STK35: variants seen among roughly 807,000 people sequenced by gnomAD.
The protein encoded by STK35 is serine/threonine kinase 35.
Under a neutral mutation model 37.3 loss-of-function variants are expected in STK35, and 17 were observed. The ratio of observed to expected loss-of-function variants is 0.46; its 90% confidence interval spans 0.31 to 0.68. The LOEUF (loss-of-function observed/expected upper bound fraction) is 0.68. STK35 is among the 30% of genes least tolerant of loss of function. STK35 has a pLI of 0.05. For missense variants in STK35, 595 were observed against 746.7 expected, an observed-to-expected ratio of 0.80 and a Z score of 2.37; for synonymous variants, 385 against 319.1, an observed-to-expected ratio of 1.21 and a Z score of -2.20.
intron 2 of STK35, among the ~76,000 whole-genome samples, chr20:2,111,141 A>G (rs1985609663): frequency 6.6e-6 from 1 of 152,146 alleles, no homozygotes; most frequent in South Asian, 2.1e-4. Flanking sequence ...CTCCCTTGCC[A>G]GCCCTCACTT....
At position 2,144,323 on chromosome 20, in the gene STK35, G is replaced by A. The variant is rs1986222031; in HGVS notation, c.*577G>A. On this transcript the variant is annotated 3_prime_UTR_variant, in exon 4 of 4. Coordinates refer to ENST00000381482, the MANE Select transcript of STK35 (RefSeq NM_080836.4). ...GATGCAGGAACTCCTGGACTCCTTG[G>A]TGGGCTGGCCCTGGCTAGCCCTTGG... 1.1e-5 allele frequency: 2 copies of A among 181,204 alleles called. No individual in the cohort carries two copies. The highest frequency in any genetic ancestry group is 2.3e-5 in the Non-Finnish European group (2 of 86,534). The allele number at this position is 181,204 out of a possible 1,614,324, so 11.2% of individuals were successfully genotyped here. A position where few individuals can be genotyped will look rare whatever the true frequency, so the allele number is the denominator to read the frequency against.
chr20:2,134,882 C>A (rs1460715372), intron 3 of STK35, among the ~76,000 whole-genome samples: 1 of 151,908 alleles, frequency 6.6e-6, no homozygotes, highest in Non-Finnish European at 1.5e-5. Context: ...CAGAGTGAGA[C>A]TCTGTGTCAA....
chr20:2,111,970 C>T (rs557566131), intron 2 of STK35, among the ~76,000 whole-genome samples: 24 of 152,304 alleles, frequency 1.6e-4, no homozygotes, highest in African/African-American at 5.8e-4. Flanking sequence ...CTGGCAGATC[C>T]GGGCCCGCTT....
chr20:2,133,380 A>C (rs567711680), intron 3 of STK35, among the ~76,000 whole-genome samples: 3 of 152,350 alleles, frequency 2.0e-5, no homozygotes, highest in African/African-American at 7.2e-5. Context: ...CAATTGAGGC[A>C]GTTGGCAGCT....
At chr20:2,127,634 T>C (rs1345526353) in intron 3 of STK35, among the ~76,000 whole-genome samples, 2 of 152,180 alleles carry the variant, frequency 1.3e-5, no homozygotes, top group African/African-American at 4.8e-5. Flanking sequence ...ACCACTGACA[T>C]GGTCCAGAGG....
At chr20:2,136,952 G>A (rs117139263) in intron 3 of STK35, among the ~76,000 whole-genome samples, 1 of 152,218 alleles carries the variant, frequency 6.6e-6, no homozygotes, top group Non-Finnish European at 1.5e-5. Context: ...GGGTGAATGC[G>A]ATCTGAGTGA....
intron 3 of STK35, among the ~76,000 whole-genome samples, chr20:2,132,946 CAGT>C (rs1986025022): frequency 6.6e-6 from 1 of 152,208 alleles, no homozygotes; most frequent in Non-Finnish European, 1.5e-5. Context: ...ACAGTTGAGT[CAGT>C]GGTGGCTCTG....
At chr20:2,132,658 C>A (rs1986020312) in intron 3 of STK35, among the ~76,000 whole-genome samples, 1 of 152,256 alleles carries the variant, frequency 6.6e-6, no homozygotes, top group African/African-American at 2.4e-5. Context: ...TGTGAGACTG[C>A]ACAGGCACCT....
At position 2,144,238 on chromosome 20, in the gene STK35, G is replaced by C; in HGVS notation, c.*492G>C. The C allele has an allele frequency of 4.0e-6, 1 of 252,148 alleles. No individual in the cohort carries two copies. Among genetic ancestry groups the C allele is most frequent in the Non-Finnish European group, 7.7e-6 (1 of 130,238 alleles). 15.6% of individuals were successfully genotyped at this position (252,148 alleles called of 1,614,324 possible). ...CTGCCTCCCCATAGGGAATCTGGGG[G>C]TTTCTTCTGGAACGGGGCGTGAGGA... is the stretch of plus-strand genomic sequence containing the variant. On this transcript the variant is annotated 3_prime_UTR_variant, in exon 4 of 4. Coordinates refer to ENST00000381482, the MANE Select transcript of STK35 (RefSeq NM_080836.4).
intron 3 of STK35, among the ~76,000 whole-genome samples, chr20:2,137,373 G>A (rs1028294538): frequency 7.2e-5 from 11 of 152,170 alleles, no homozygotes; most frequent in South Asian, 2.1e-4. Context: ...TCCAAGCCAC[G>A]CTCCTCTGCA....
chr20:2,103,808 C>T (rs1193352728), intron 2 of STK35, among the ~76,000 whole-genome samples: 1 of 152,174 alleles, frequency 6.6e-6, no homozygotes, highest in African/African-American at 2.4e-5. Context: ...CACACCCTCT[C>T]CCTGTCTGGT....
Position 2,102,831 on chromosome 20 carries a change from G to A in STK35, c.358G>A (p.Ala120Thr), listed in dbSNP as rs746426061. 4 of 1,530,934 alleles carry A rather than the reference G, an allele frequency of 2.6e-6. No individual in the cohort carries two copies. The highest frequency in any genetic ancestry group is 1.2e-5 in the South Asian group (1 of 83,368). 94.8% of individuals were successfully genotyped at this position (1,530,934 alleles called of 1,614,324 possible). A position where few individuals can be genotyped will look rare whatever the true frequency, so the allele number is the denominator to read the frequency against. ...RAGRRDEAGG[A>T]RAAPLLLPPP... is the part of the protein sequence containing the mutation. ...CGGACGGAGGGATGAGGCAGGGGGG[G>A]CCCGGGCAGCGCCGTTGCTGCTCCC... The change falls in exon 2 of 4, where the codon GCC (alanine) becomes ACC (threonine). Residue 120 changes from alanine (A) to threonine (T), a missense_variant. This residue lies in a region of STK35 where 389 missense variants were observed against 320.0 expected (regional missense o/e 1.22). Transcript: ENST00000381482.
Position 2,102,771 on chromosome 20 carries a change from A to C in STK35, c.298A>C (p.Thr100Pro), listed in dbSNP as rs970201950. The stretch of plus-strand genomic sequence containing the variant: ...TAACCGATTCTTTCGCCCGCAGGTC[A>C]CAATCCAAGGTCCGGCTCCTCCGCG... ...ARKWRCAGQV[T>P]IQGPAPPRPR... The change falls in exon 2 of 4, where the codon ACA (threonine) becomes CCA (proline). Residue 100 changes from threonine (T) to proline (P), a missense_variant. By Grantham distance (38) the Thr-to-Pro change is conservative. Coordinates refer to ENST00000381482, the MANE Select transcript of STK35 (RefSeq NM_080836.4). 10 of 1,446,476 alleles carry C rather than the reference A, an allele frequency of 6.9e-6. No homozygotes were observed. The highest frequency in any genetic ancestry group is 9.1e-6 in the Non-Finnish European group (10 of 1,097,168). The allele number at this position is 1,446,476 out of a possible 1,614,324, so 89.6% of individuals were successfully genotyped here.
In STK35 at chr20:2,117,239, A is replaced by T. The variant is rs143233949; in HGVS notation, c.1466A>T (p.His489Leu). The T allele has an allele frequency of 6.2e-7, 1 of 1,614,082 alleles. No homozygotes were observed. Among genetic ancestry groups the T allele is most frequent in the Non-Finnish European group, 8.5e-7 (1 of 1,180,036 alleles). Reference sequence around the variant, plus strand: ...CTAGAAAACCCAAAGATGGAGTTGCACATCCCCCAAAAACGCAGGACTTCC... The same window carrying T: ...CTAGAAAACCCAAAGATGGAGTTGCTCATCCCCCAAAAACGCAGGACTTCC... ...ALLENPKMEL[H>L]IPQKRRTSMS... Residue 489 changes from histidine to leucine, a missense_variant, in exon 3 of 4, where the codon CAC becomes CTC. This residue lies in a region of STK35 where 109 missense variants were observed against 280.3 expected (regional missense o/e 0.39). Transcript: ENST00000381482. This position sits in a 1 kb window ranked among gnomAD's most constrained non-coding sequence, Gnocchi z 4.4.
chr20:2,102,452 GC>G (rs1158127343), intron 1 of STK35, among the ~76,000 whole-genome samples: 1 of 152,216 alleles, frequency 6.6e-6, no homozygotes, highest in East Asian at 1.9e-4. Context: ...AAATATTTCC[GC>G]CGGCCAAATC....
chr20:2,106,133 C>T (rs148219451), intron 2 of STK35, among the ~76,000 whole-genome samples: 1 of 152,216 alleles, frequency 6.6e-6, no homozygotes, highest in African/African-American at 2.4e-5. Flanking sequence ...AGAACAGATA[C>T]CAAAATTACT....
chr20:2,126,264 A>G (rs1031956776), intron 3 of STK35, among the ~76,000 whole-genome samples: 3 of 152,300 alleles, frequency 2.0e-5, no homozygotes, highest in South Asian at 2.1e-4. Flanking sequence ...TTTAGACCCC[A>G]ATATGGTCTC....
chr20:2,137,006 G>A (rs1008729957), intron 3 of STK35, among the ~76,000 whole-genome samples: 1 of 152,232 alleles, frequency 6.6e-6, no homozygotes, highest in Non-Finnish European at 1.5e-5. Context: ...AGCAGGAGCT[G>A]AAGACCCAAA....
chr20:2,103,831 G>A (rs1004766290), intron 2 of STK35, among the ~76,000 whole-genome samples: 5 of 152,032 alleles, frequency 3.3e-5, no homozygotes, highest in African/African-American at 1.2e-4. Context: ...CAAGTTTCCT[G>A]ACACCCTCCA....
Sources: gnomAD v4.1 joint callset for allele counts (sites outside exome capture counted in the v4.1 genomes callset) on GRCh38, gnomAD v4.1.1 for gene constraint, gnomAD v4.1.1 regional missense constraint, Gnocchi (gnomAD v3.1) non-coding constraint, MANE v1.5 for transcripts, NCBI Gene and HGNC (gene_info 2026-07-23, HGNC 2026-07-21) for gene names.